Variants in SAMMSON observed in about 807,000 individuals in gnomAD.
SAMMSON encodes the protein survival associated mitochondrial melanoma specific oncogenic non-coding RNA, also known as long intergenic non-protein coding RNA 1212.
chr3:70,211,018 T>C (rs78170219), intron 4 of SAMMSON, among the ~76,000 whole-genome samples: 2,737 of 152,248 alleles, frequency 0.018, 81 homozygotes, highest in African/African-American at 0.062. Flanking sequence ...AACGTTTTAA[T>C]GATTTTCATT....
chr3:70,264,941 T>A (rs1216622947), intron 6 of SAMMSON, among the ~76,000 whole-genome samples: 1 of 152,136 alleles, frequency 6.6e-6, no homozygotes, highest in Non-Finnish European at 1.5e-5. Context: ...TGCCTCACAA[T>A]CATGGTGGAA....
chr3:70,398,195 T>A (rs1701108040), intron 2 of SAMMSON, among the ~76,000 whole-genome samples: 1 of 152,186 alleles, frequency 6.6e-6, no homozygotes, highest in African/African-American at 2.4e-5. Context: ...ATGGGTGGTT[T>A]AAATATGTTT....
chr3:70,380,187 G>T (rs1703053936), intron 9 of SAMMSON, among the ~76,000 whole-genome samples: 1 of 151,986 alleles, frequency 6.6e-6, no homozygotes, highest in Admixed American at 6.6e-5. Flanking sequence ...TTATCCTCAG[G>T]TCAAAAATTT....
chr3:70,225,328 A>C (rs1701493473), intron 4 of SAMMSON, among the ~76,000 whole-genome samples: 1 of 152,230 alleles, frequency 6.6e-6, no homozygotes, highest in Non-Finnish European at 1.5e-5. Flanking sequence ...CCACTTGGAA[A>C]GTGGCACAAG....
intron 4 of SAMMSON, among the ~76,000 whole-genome samples, chr3:70,089,008 C>G (rs1260234768): frequency 6.6e-6 from 1 of 151,954 alleles, no homozygotes; most frequent in African/African-American, 2.4e-5. Flanking sequence ...ATGAGCAGAC[C>G]AGGGTCTGCT....
chr3:70,317,646 G>C (rs549644384), intron 7 of SAMMSON, among the ~76,000 whole-genome samples: 1 of 151,162 alleles, frequency 6.6e-6, no homozygotes, highest in African/African-American at 2.4e-5. Flanking sequence ...ATATACACGC[G>C]TGTATAGAAA....
At chr3:70,011,716 G>A (rs753921801) in intron 1 of SAMMSON, among the ~76,000 whole-genome samples, 1 of 151,434 alleles carries the variant, frequency 6.6e-6, no homozygotes, top group Non-Finnish European at 1.5e-5. Context: ...AACAAAGATT[G>A]GCAAAATCCT....
intron 4 of SAMMSON, among the ~76,000 whole-genome samples, chr3:70,186,626 T>G (rs1377773217): frequency 6.6e-6 from 1 of 152,108 alleles, no homozygotes; most frequent in African/African-American, 2.4e-5. Flanking sequence ...AGGGGTTTCA[T>G]TGATGGCACC....
At chr3:70,409,317 G>T (rs1446976250) in intron 2 of SAMMSON, among the ~76,000 whole-genome samples, 1 of 151,962 alleles carries the variant, frequency 6.6e-6, no homozygotes, top group African/African-American at 2.4e-5. Flanking sequence ...CAGGATATGA[G>T]AATTTGGAAA....
intron 6 of SAMMSON, among the ~76,000 whole-genome samples, chr3:70,272,736 C>T (rs933540323): frequency 2.0e-5 from 3 of 152,176 alleles, no homozygotes; most frequent in African/African-American, 7.2e-5. Flanking sequence ...AATGTACAAA[C>T]ATTATTATCC....
In SAMMSON at chr3:70,193,181, C is replaced by T. The variant is rs571182827; in HGVS notation, n.508-55926C>T. On this transcript the variant is annotated intron_variant and non_coding_transcript_variant, in intron 4 of 9. Coordinates refer to ENST00000642114, the Ensembl canonical transcript of SAMMSON. ...ATCCAAATAATGGCACAGCTCTGGC[C>T]CCCACCTGCATTTCTTGTCCTCTCC... 7.9e-4 allele frequency among the ~76,000 whole-genome samples: 121 copies of T among 152,218 alleles called. 1 individual carries two copies. The highest frequency in any genetic ancestry group is 1.5e-3 in the Non-Finnish European group (102 of 68,012).
At chr3:70,109,345 C>T (rs1056751792) in intron 4 of SAMMSON, among the ~76,000 whole-genome samples, 2 of 152,102 alleles carry the variant, frequency 1.3e-5, no homozygotes, top group African/African-American at 4.8e-5. Context: ...AGTCATTTCC[C>T]CTAAGCCCCC....
At chr3:70,429,862 T>C (rs1701399670) in intron 2 of SAMMSON, among the ~76,000 whole-genome samples, 2 of 152,212 alleles carry the variant, frequency 1.3e-5, no homozygotes, top group African/African-American at 4.8e-5. Context: ...TAAGGAGATT[T>C]TGGGCTGAGA....
intron 4 of SAMMSON, chr3:70,084,729 A>G (rs1355287312): frequency 3.3e-5 from 5 of 152,224 alleles, no homozygotes; most frequent in Admixed American, 1.3e-4. Flanking sequence ...CTTGCAGACA[A>G]CAGCAGCAAC....
chr3:70,300,401 A>C (rs1364969584), intron 7 of SAMMSON, among the ~76,000 whole-genome samples: 1 of 152,088 alleles, frequency 6.6e-6, no homozygotes, highest in Non-Finnish European at 1.5e-5. Flanking sequence ...TCTCATTTAA[A>C]CTACCACGTT....
chr3:70,272,509 T>C (rs1403541790), intron 6 of SAMMSON, among the ~76,000 whole-genome samples: 8 of 152,244 alleles, frequency 5.3e-5, no homozygotes, highest in Non-Finnish European at 1.5e-5. Context: ...TCTCCCCTGA[T>C]GGATGTTTGG....
intron 7 of SAMMSON, among the ~76,000 whole-genome samples, chr3:70,349,037 A>G (rs1199959680): frequency 5.3e-5 from 8 of 152,038 alleles, no homozygotes; most frequent in Admixed American, 5.2e-4. Context: ...GCTGGAGCAC[A>G]TTTGCTTCTT....
intron 4 of SAMMSON, among the ~76,000 whole-genome samples, chr3:70,236,569 G>A (rs2106749063): frequency 6.6e-6 from 1 of 152,048 alleles, no homozygotes; most frequent in African/African-American, 2.4e-5. Context: ...CTCCTTTTGG[G>A]GCCTGTAAAT....
At chr3:70,195,646 C>G (rs960029420) in intron 4 of SAMMSON, among the ~76,000 whole-genome samples, 1 of 152,118 alleles carries the variant, frequency 6.6e-6, no homozygotes, top group Non-Finnish European at 1.5e-5. Context: ...TCCCTCAATT[C>G]TCCATTTCAC....
Sources: gnomAD v4.1 joint callset for allele counts (sites outside exome capture counted in the v4.1 genomes callset) on GRCh38, gnomAD v4.1.1 for gene constraint, MANE v1.5 for transcripts, NCBI Gene and HGNC (gene_info 2026-07-23, HGNC 2026-07-21) for gene names.